The following PPP2R5C variants were observed in gnomAD, a reference collection of about 807,000 sequenced individuals.
PPP2R5C encodes serine/threonine-protein phosphatase 2A 56 kDa regulatory subunit gamma isoform.
In PPP2R5C, 7 loss-of-function variants were observed where a neutral mutation model predicts 68.9. The observed-to-expected ratio is 0.10, with a 90% CI of 0.06 to 0.19. The LOEUF (loss-of-function observed/expected upper bound fraction) is 0.19. PPP2R5C is among the 10% of genes least tolerant of loss of function. The pLI, the probability that PPP2R5C is intolerant of heterozygous loss-of-function variation, is 1.00. For missense variants in PPP2R5C, 348 were observed against 641.3 expected, an observed-to-expected ratio of 0.54 and a Z score of 4.94; for synonymous variants, 210 against 222.2, an observed-to-expected ratio of 0.95 and a Z score of 0.49.
chr14:101,816,218 G>A (rs377118438), intron 1 of PPP2R5C, among the ~76,000 whole-genome samples: 44 of 152,192 alleles, frequency 2.9e-4, no homozygotes, highest in South Asian at 2.1e-4. Flanking sequence ...CGACACAGGT[G>A]CCCACTCCAC....
chr14:101,831,592 T>G, intron 1 of PPP2R5C: 1 of 564,246 alleles, frequency 1.8e-6, no homozygotes, highest in Non-Finnish European at 3.3e-6. Context: ...CAACTCCTTA[T>G]CATAGTACAT....
At chr14:101,866,134 A>T (rs2043051685) in intron 2 of PPP2R5C, among the ~76,000 whole-genome samples, 2 of 152,196 alleles carry the variant, frequency 1.3e-5, no homozygotes, top group Non-Finnish European at 2.9e-5. Flanking sequence ...ATCTCAGGTG[A>T]TCTGCCCACC....
At chr14:101,918,659 C>T (rs57412589) in intron 13 of PPP2R5C, among the ~76,000 whole-genome samples, 842 of 29,984 alleles carry the variant, frequency 0.028, 112 homozygotes, top group African/African-American at 0.095. Flanking sequence ...TCGCCCCCCT[C>T]GCCCCCTCCC....
intron 2 of PPP2R5C, among the ~76,000 whole-genome samples, chr14:101,861,737 G>A (rs12896683): frequency 0.074 from 11,291 of 152,200 alleles, 465 homozygotes; most frequent in Middle Eastern, 0.14. Context: ...CAAACATGCC[G>A]CTGTTTTCAT....
At chr14:101,912,609 A>G in intron 12 of PPP2R5C, 136 bp downstream of exon 14, 1 of 1,325,286 alleles carries the variant, frequency 7.5e-7, no homozygotes, top group Non-Finnish European at 9.7e-7. Flanking sequence ...AATAAAAAGT[A>G]CTTTTAAACT....
chr14:101,873,385 A>G (rs900634518), intron 2 of PPP2R5C, among the ~76,000 whole-genome samples: 1 of 152,118 alleles, frequency 6.6e-6, no homozygotes, highest in African/African-American at 2.4e-5. Context: ...TGGGGATGCA[A>G]TTAAGTTACT....
intron 2 of PPP2R5C, chr14:101,765,442 C>A: frequency 1.7e-6 from 1 of 588,974 alleles, no homozygotes; most frequent in Non-Finnish European, 3.0e-6. Context: ...ATGATTGACT[C>A]ATGCAGGTGA....
At chr14:101,820,873 T>A (rs1048731155) in intron 1 of PPP2R5C, 118 of 152,270 alleles carry the variant, frequency 7.7e-4, no homozygotes, top group African/African-American at 2.7e-3. Flanking sequence ...AAGTAAATAT[T>A]TTTAAAATTT....
At position 101,891,218 on chromosome 14, in the gene PPP2R5C, G is replaced by A. The variant is rs754803984; in HGVS notation, c.689+922G>A. Reference sequence around the variant, plus strand: ...GGATGTAGTGTAGATGGGCAGTTCCGGGTTCTCAGGAGCCTGTGGTGGAGA... The same window carrying A: ...GGATGTAGTGTAGATGGGCAGTTCCAGGTTCTCAGGAGCCTGTGGTGGAGA... On this transcript the variant is annotated intron_variant, in intron 6 of 13. Coordinates refer to ENST00000334743, the Ensembl canonical transcript of PPP2R5C. The surrounding 1 kb of genome is among the most constrained non-coding windows in gnomAD (Gnocchi z 4.9). Among the ~76,000 whole-genome samples, 2 of 151,940 alleles carry A rather than the reference G, an allele frequency of 1.3e-5. No homozygotes were observed. The highest frequency in any genetic ancestry group is 2.4e-5 in the African/African-American group (1 of 41,346).
chr14:101,798,797 A>G (rs1198539424), intron 3 of PPP2R5C, among the ~76,000 whole-genome samples: 1 of 152,140 alleles, frequency 6.6e-6, no homozygotes, highest in African/African-American at 2.4e-5. Context: ...AGTCTCAGGA[A>G]AGGTTCAGAA....
intron 2 of PPP2R5C, 54 bp downstream of exon 2, chr14:101,763,024 G>A (rs369125821): frequency 1.9e-5 from 27 of 1,444,956 alleles, no homozygotes; most frequent in Non-Finnish European, 2.5e-5. Flanking sequence ...TTAACTTCAG[G>A]TAGAAAAACC....
At chr14:101,894,928 T>A (rs915969195) in intron 8 of PPP2R5C, among the ~76,000 whole-genome samples, 4 of 152,202 alleles carry the variant, frequency 2.6e-5, no homozygotes, top group Admixed American at 6.5e-5. Context: ...AGAGGAATTA[T>A]AGTTAGGGTT....
chr14:101,809,300 ATAAGT>A (rs1232604650), upstream of PPP2R5C, among the ~76,000 whole-genome samples: 1 of 152,044 alleles, frequency 6.6e-6, no homozygotes, highest in Non-Finnish European at 1.5e-5. Flanking sequence ...GTTTGGGATC[ATAAGT>A]TAATAACTCA....
intron 2 of PPP2R5C, among the ~76,000 whole-genome samples, chr14:101,772,676 G>C (rs1026142547): frequency 2.6e-5 from 4 of 152,020 alleles, no homozygotes; most frequent in African/African-American, 9.7e-5. Context: ...TGCACCTGCA[G>C]TCCCAGCTAT....
At chr14:101,865,550 A>G (rs570861828) in intron 2 of PPP2R5C, among the ~76,000 whole-genome samples, 53 of 152,198 alleles carry the variant, frequency 3.5e-4, no homozygotes, top group Non-Finnish European at 7.1e-4. Flanking sequence ...GAAGGGAGGG[A>G]GTCGTGTGCT....
chr14:101,875,269 C>CT (rs974507134), intron 2 of PPP2R5C, among the ~76,000 whole-genome samples: 7 of 152,170 alleles, frequency 4.6e-5, no homozygotes, highest in Non-Finnish European at 1.0e-4. Flanking sequence ...CCTTACCTCT[C>CT]TTCACTGCCG....
chr14:101,924,445 C>CT lies in PPP2R5C; in HGVS notation c.1444-684dup, dbSNP rs11325673. On this transcript the variant is annotated intron_variant, in intron 13 of 13. Transcript: ENST00000334743. ...TTTACCTCCAAGGAAATTTCTACAT[C>CT]TTTTTTTTTTTTGAGATGGAGTCTG... 1.3e-3 allele frequency among the ~76,000 whole-genome samples: 108 copies of CT among 84,504 alleles called. 19 individuals are homozygous for CT. The highest frequency in any genetic ancestry group is 2.0e-3 in the Non-Finnish European group (78 of 38,520). The allele number at this position is 84,504 out of a possible 152,430, so 55.4% of individuals were successfully genotyped here.
chr14:101,785,587 C>T (rs1044218993), intron 2 of PPP2R5C, among the ~76,000 whole-genome samples: 1 of 152,148 alleles, frequency 6.6e-6, no homozygotes, highest in African/African-American at 2.4e-5. Context: ...TTGTAATGAC[C>T]TGTGTGATTC....
At position 101,915,889 on chromosome 14, in the gene PPP2R5C, A is replaced by G. The variant is rs1391319212; in HGVS notation, c.1327-1942A>G. ...TTCCCATCTCTAAAGAAAGACACAC[A>G]CAGTACGGGGGCCTGGCCTCTTGGT... On this transcript the variant is annotated intron_variant, in intron 12 of 13. Transcript: ENST00000334743. The surrounding 1 kb of genome is among the most constrained non-coding windows in gnomAD (Gnocchi z 4.2). Among the ~76,000 whole-genome samples, 1 of 152,154 alleles carries G rather than the reference A, an allele frequency of 6.6e-6. No individual in the cohort carries two copies. Among genetic ancestry groups the G allele is most frequent in the African/African-American group, 2.4e-5 (1 of 41,424 alleles).
Sources: allele counts gnomAD v4.1 joint callset (sites outside exome capture counted in the v4.1 genomes callset), GRCh38; gene constraint gnomAD v4.1.1; non-coding constraint Gnocchi (gnomAD v3.1); transcripts MANE v1.5; gene names NCBI Gene and HGNC (gene_info 2026-07-23, HGNC 2026-07-21).